RARB: variants seen among roughly 807,000 people sequenced by gnomAD.
The protein encoded by RARB is retinoic acid receptor beta.
RARB carries 17 observed loss-of-function variants against 51.9 expected under a neutral mutation model. That is an observed-to-expected ratio of 0.33 (90% CI 0.22 to 0.49). The LOEUF (loss-of-function observed/expected upper bound fraction) is 0.49. Among genes scored for constraint, RARB ranks in the 20% least tolerant of loss-of-function variants. RARB has a pLI of 0.99. For synonymous variants in RARB, 215 were observed against 195.4 expected (o/e 1.10, Z -0.84); for missense variants, 369 against 550.8 (o/e 0.67, Z 3.30).
intron 4 of RARB, among the ~76,000 whole-genome samples, chr3:25,162,431 T>C (rs749462748): frequency 5.3e-5 from 8 of 152,182 alleles, no homozygotes; most frequent in South Asian, 2.1e-4. Context: ...TATCAAGATA[T>C]AATTCAAACA....
At chr3:25,122,291 A>G (rs1460785094) in intron 3 of RARB, among the ~76,000 whole-genome samples, 3 of 152,058 alleles carry the variant, frequency 2.0e-5, no homozygotes, top group African/African-American at 7.2e-5. Context: ...ATTAGTAATG[A>G]TTAAGAATAA....
chr3:24,888,065 T>G (rs575600417), intron 2 of RARB, among the ~76,000 whole-genome samples: 1 of 152,298 alleles, frequency 6.6e-6, no homozygotes, highest in Non-Finnish European at 1.5e-5. Flanking sequence ...TGAGTAATGA[T>G]TAAAGTACTA....
At chr3:25,336,393 T>A (rs1705064013) in intron 5 of RARB, among the ~76,000 whole-genome samples, 1 of 152,184 alleles carries the variant, frequency 6.6e-6, no homozygotes, top group South Asian at 2.1e-4. Flanking sequence ...ATATTTTAGG[T>A]GCTTTTAGAG....
chr3:25,276,046 C>T (rs1016139323), intron 5 of RARB, among the ~76,000 whole-genome samples: 1 of 152,218 alleles, frequency 6.6e-6, no homozygotes. Context: ...CTCTCTGAGG[C>T]TCAGCTTCCC....
rs537590451 is a variant in RARB, at chr3:24,962,781, G to T, written c.-379-97344G>T. ...AGTCTCTGGTCCCAAAAAGGTTGGG[G>T]GTTGCTACACTAAATGATATAAATG... On this transcript the variant is annotated intron_variant, in intron 2 of 11. Coordinates refer to the RARB transcript ENST00000383772. Among the ~76,000 whole-genome samples the T allele has an allele frequency of 3.3e-5, 5 of 152,224 alleles. No individual in the cohort carries two copies. In the South Asian group the frequency reaches 1.0e-3, roughly 32 times the overall value.
intron 2 of RARB, among the ~76,000 whole-genome samples, chr3:24,988,277 T>G (rs1696836798): frequency 6.6e-6 from 1 of 152,218 alleles, no homozygotes; most frequent in African/African-American, 2.4e-5. Flanking sequence ...TGCTTTGAGC[T>G]TAGGGGTTGT....
intron 2 of RARB, among the ~76,000 whole-genome samples, chr3:25,025,336 G>C (rs756444639): frequency 9.2e-5 from 14 of 152,072 alleles, no homozygotes; most frequent in Non-Finnish European, 1.5e-4. Flanking sequence ...CTGTATCTTG[G>C]AGCCCTTCTC....
At chr3:25,110,880 T>G (rs1699589871) in intron 3 of RARB, among the ~76,000 whole-genome samples, 2 of 152,300 alleles carry the variant, frequency 1.3e-5, no homozygotes, top group South Asian at 4.1e-4. Context: ...ATGAGCTGCA[T>G]TATGTGAAAG....
intron 2 of RARB, among the ~76,000 whole-genome samples, chr3:24,879,385 C>G (rs954205280): frequency 6.7e-6 from 1 of 150,284 alleles, no homozygotes. Context: ...GGCGAGATCG[C>G]ATCACTGCAT....
At chr3:24,986,297 A>G (rs1696792948) in intron 2 of RARB, among the ~76,000 whole-genome samples, 1 of 152,220 alleles carries the variant, frequency 6.6e-6, no homozygotes, top group Non-Finnish European at 1.5e-5. Context: ...AATATGTGTT[A>G]TTATATGTGT....
At chr3:24,993,811 T>C (rs756421134) in intron 2 of RARB, among the ~76,000 whole-genome samples, 6 of 152,174 alleles carry the variant, frequency 3.9e-5, no homozygotes, top group Non-Finnish European at 7.4e-5. Context: ...TCCAGTTCCA[T>C]TCATTTTGCC....
chr3:24,921,496 G>A (rs1695215558), intron 2 of RARB, among the ~76,000 whole-genome samples: 1 of 152,104 alleles, frequency 6.6e-6, no homozygotes, highest in Non-Finnish European at 1.5e-5. Context: ...AGGTGACCTT[G>A]CACCAGCACA....
chr3:25,263,854 C>A (rs566203175), intron 5 of RARB, among the ~76,000 whole-genome samples: 1 of 152,244 alleles, frequency 6.6e-6, no homozygotes, highest in African/African-American at 2.4e-5. Context: ...ATCGCCTCCT[C>A]CCAGTCAACA....
intron 5 of RARB, among the ~76,000 whole-genome samples, chr3:25,175,089 C>A (rs747257460): frequency 1.8e-4 from 27 of 152,174 alleles, no homozygotes; most frequent in Non-Finnish European, 2.9e-4. Flanking sequence ...GTGTCCTTGG[C>A]ACCTTTTGTT....
chr3:25,385,471 A>G (rs915702885), intron 5 of RARB, among the ~76,000 whole-genome samples: 1 of 152,146 alleles, frequency 6.6e-6, no homozygotes, highest in African/African-American at 2.4e-5. Flanking sequence ...GCTACTGGAC[A>G]AGACACAGAC....
At chr3:25,229,323 C>CT (rs1416775309) in intron 5 of RARB, among the ~76,000 whole-genome samples, 1 of 151,998 alleles carries the variant, frequency 6.6e-6, no homozygotes, top group Non-Finnish European at 1.5e-5. Flanking sequence ...ACTTTATTAT[C>CT]TTTTACCATA....
At chr3:25,501,528 C>A (rs1178691384) in intron 3 of RARB, among the ~76,000 whole-genome samples, 1 of 152,108 alleles carries the variant, frequency 6.6e-6, no homozygotes, top group African/African-American at 2.4e-5. Flanking sequence ...AGGAGTTAGG[C>A]GTCGTGGATG....
intron 2 of RARB, among the ~76,000 whole-genome samples, chr3:24,978,519 T>C (rs1208665487): frequency 6.6e-6 from 1 of 152,222 alleles, no homozygotes. Flanking sequence ...CCATTTCTTC[T>C]AGATTTTCTA....
At chr3:25,383,594 C>T (rs1033563913) in intron 5 of RARB, among the ~76,000 whole-genome samples, 4 of 152,108 alleles carry the variant, frequency 2.6e-5, no homozygotes, top group African/African-American at 9.7e-5. Context: ...ATATGGTAAC[C>T]ACTAAAGAGC....
Sources: gnomAD v4.1 joint callset for allele counts (sites outside exome capture counted in the v4.1 genomes callset) on GRCh38, gnomAD v4.1.1 for gene constraint, MANE v1.5 for transcripts, NCBI Gene and HGNC (gene_info 2026-07-23, HGNC 2026-07-21) for gene names.